The following OLFML2A variants were observed in gnomAD, a reference collection of about 807,000 sequenced individuals.
OLFML2A encodes the protein olfactomedin-like protein 2A.
OLFML2A carries 47 observed loss-of-function variants against 60.9 expected under a neutral mutation model. That is an observed-to-expected ratio of 0.77 (90% CI 0.61 to 0.98). OLFML2A has a LOEUF of 0.98. Among genes scored for constraint, OLFML2A ranks in the 50% least tolerant of loss-of-function variants. OLFML2A has a pLI of 0.00. For synonymous variants in OLFML2A, 372 were observed against 375.0 expected, an observed-to-expected ratio of 0.99 and a Z score of 0.09; for missense variants, 922 against 879.8, an observed-to-expected ratio of 1.05 and a Z score of -0.61.
chr9:124,807,058 C>T (rs10986431), intron 6 of OLFML2A, among the ~76,000 whole-genome samples: 12,220 of 151,232 alleles, frequency 0.081, 538 homozygotes, highest in South Asian at 0.14. Flanking sequence ...GGACTACAGG[C>T]GCACACCACT....
At chr9:124,790,893 C>T (rs1450380476) in intron 2 of OLFML2A, among the ~76,000 whole-genome samples, 1 of 152,248 alleles carries the variant, frequency 6.6e-6, no homozygotes, top group Non-Finnish European at 1.5e-5. Flanking sequence ...ATCTCTACCC[C>T]AGCCCTTCCC....
chr9:124,778,637 A>G (rs981977869), intron 1 of OLFML2A, among the ~76,000 whole-genome samples: 9 of 150,082 alleles, frequency 6.0e-5, no homozygotes, highest in African/African-American at 1.7e-4. Flanking sequence ...AAAAAAAAAA[A>G]TTAAATTAAA....
At chr9:124,782,524 G>A (rs1233766870) in intron 1 of OLFML2A, among the ~76,000 whole-genome samples, 4 of 152,184 alleles carry the variant, frequency 2.6e-5, no homozygotes, top group African/African-American at 9.7e-5. Flanking sequence ...TACAGAGGAG[G>A]AAGCTGAGGC....
chr9:124,810,817 C>A lies in OLFML2A; in HGVS notation c.*405C>A, dbSNP rs146914262. 59 of 58,732 alleles carry A rather than the reference C, an allele frequency of 1.0e-3. No homozygotes were observed. The highest frequency in any genetic ancestry group is 7.9e-3 in the African/African-American group (56 of 7,114). 3.6% of individuals were successfully genotyped at this position (58,732 alleles called of 1,614,324 possible). A position where few individuals can be genotyped will look rare whatever the true frequency, so the allele number is the denominator to read the frequency against. ...CACCACGCCCTCCCCTCCCTGCCCT[C>A]CCCCATCTCCCCGGTCTCCCTTGTT... On this transcript the variant is annotated 3_prime_UTR_variant, in exon 8 of 8. Coordinates refer to ENST00000373580, the MANE Select transcript of OLFML2A (RefSeq NM_182487.4).
chr9:124,804,364 C>T (rs953104538), intron 6 of OLFML2A, 22 bp downstream of exon 6: 38 of 1,526,042 alleles, frequency 2.5e-5, no homozygotes, highest in Non-Finnish European at 3.0e-5. Flanking sequence ...TCACAGGAGT[C>T]AGCACACTGT....
rs575762514 is a variant in OLFML2A at position 124,811,965 on chromosome 9, A to G, written c.*1553A>G. On this transcript the variant is annotated 3_prime_UTR_variant, in exon 8 of 8. Coordinates refer to ENST00000373580, the MANE Select transcript of OLFML2A (RefSeq NM_182487.4). Reference sequence around the variant, plus strand: ...TGTCTGTATCCTTTATTCTCCGCACATGGAGGCTGCCCTACCTGGGAAGGC... The same window carrying G: ...TGTCTGTATCCTTTATTCTCCGCACGTGGAGGCTGCCCTACCTGGGAAGGC... The G allele has an allele frequency of 6.6e-6, 1 of 152,414 alleles. No homozygotes were observed. Among genetic ancestry groups the G allele is most frequent in the East Asian group, 1.9e-4 (1 of 5,170 alleles). 9.4% of individuals were successfully genotyped at this position (152,414 alleles called of 1,614,324 possible).
intron 5 of OLFML2A, 85 bp downstream of exon 5, chr9:124,801,748 C>T: frequency 7.1e-7 from 1 of 1,409,192 alleles, no homozygotes; most frequent in South Asian, 1.3e-5. Flanking sequence ...AGTGGGACCA[C>T]CCCAGATTCA....
rs377537752 is a variant in OLFML2A at position 124,794,995 on chromosome 9, T to A, written c.355-29T>A. 1.5e-5 allele frequency: 21 copies of A among 1,399,052 alleles called. No individual in the cohort carries two copies. The African/African-American group carries it at 2.5e-4, about 17-fold the overall frequency. 86.7% of individuals were successfully genotyped at this position (1,399,052 alleles called of 1,614,324 possible). On this transcript the variant is annotated intron_variant, in intron 2 of 7. Transcript: ENST00000373580. ...TCTGGCCGGCCATGTGCTGCACTCT[T>A]TGCCTAACCATCCCCCTTCCCCGGG... is the stretch of plus-strand genomic sequence containing the variant.
At chr9:124,791,553 G>A (rs987242888) in intron 2 of OLFML2A, among the ~76,000 whole-genome samples, 4 of 151,924 alleles carry the variant, frequency 2.6e-5, no homozygotes, top group Middle Eastern at 3.2e-3. Context: ...CCTGGCCAAC[G>A]TGACAAAACC....
In OLFML2A at chr9:124,794,472, C is replaced by G. The variant is rs1261645831; in HGVS notation, c.355-552C>G. Among the ~76,000 whole-genome samples the G allele has an allele frequency of 2.6e-5, 4 of 152,304 alleles. No homozygotes were observed. The East Asian group carries it at 7.7e-4, about 29-fold the overall frequency. On this transcript the variant is annotated intron_variant, in intron 2 of 7. Transcript: ENST00000373580. ...TGGTATAACTCCTTAAAGCCCCTAG[C>G]ACAGCGCCTGGCACGTGGTAAGGGC...
intron 6 of OLFML2A, among the ~76,000 whole-genome samples, chr9:124,804,855 C>A (rs1841859388): frequency 6.6e-6 from 1 of 151,860 alleles, no homozygotes; most frequent in South Asian, 2.1e-4. Flanking sequence ...ATTACAGATA[C>A]CCGCCACCAC....
chr9:124,786,832 C>T (rs1380798132), intron 1 of OLFML2A, 143 bp from the exon 2 acceptor site: 1 of 718,516 alleles, frequency 1.4e-6, no homozygotes, highest in Non-Finnish European at 2.4e-6. Context: ...GCTTCACCAC[C>T]TCTAATTGCA....
intron 1 of OLFML2A, among the ~76,000 whole-genome samples, chr9:124,780,493 T>C (rs1046800941): frequency 2.6e-5 from 4 of 152,160 alleles, no homozygotes; most frequent in African/African-American, 9.7e-5. Context: ...CTGGATCAGA[T>C]GTTCCAGGCC....
At chr9:124,785,973 G>C (rs1189582446) in intron 1 of OLFML2A, among the ~76,000 whole-genome samples, 1 of 152,046 alleles carries the variant, frequency 6.6e-6, no homozygotes, top group East Asian at 1.9e-4. Flanking sequence ...AATTAGCCGA[G>C]TGTGGTCTCA....
intron 4 of OLFML2A, 55 bp from the exon 5 acceptor site, chr9:124,801,359 C>T: frequency 6.3e-7 from 1 of 1,592,574 alleles, no homozygotes; most frequent in Non-Finnish European, 8.6e-7. Flanking sequence ...CCCCAGGACT[C>T]CCCACAACAT....
At chr9:124,808,795 G>A (rs979678123) in intron 7 of OLFML2A, among the ~76,000 whole-genome samples, 14 of 152,034 alleles carry the variant, frequency 9.2e-5, no homozygotes, top group Admixed American at 2.6e-4. Context: ...GAGTAAGCTG[G>A]GGCAGGCCTG....
At position 124,813,378 on chromosome 9, in the gene OLFML2A, C is replaced by G. The variant is rs980804971; in HGVS notation, c.*2966C>G. On this transcript the variant is annotated 3_prime_UTR_variant, in exon 8 of 8. Coordinates refer to ENST00000373580, the MANE Select transcript of OLFML2A (RefSeq NM_182487.4). The stretch of plus-strand genomic sequence containing the variant: ...ACCATCATCATTAACTGAGCACCAG[C>G]TGTGCTAAGCCTGCCACGGGCGTAT... 6.6e-6 allele frequency: 1 copy of G among 152,276 alleles called. No individual in the cohort carries two copies. Among genetic ancestry groups the G allele is most frequent in the Admixed American group, 6.5e-5 (1 of 15,284 alleles). 9.4% of individuals were successfully genotyped at this position (152,276 alleles called of 1,614,324 possible).
intron 2 of OLFML2A, among the ~76,000 whole-genome samples, chr9:124,791,668 G>A (rs1245966923): frequency 6.6e-6 from 1 of 150,452 alleles, no homozygotes; most frequent in Non-Finnish European, 1.5e-5. Flanking sequence ...AACACGGGAG[G>A]CAGAGGTTGC....
In OLFML2A at chr9:124,777,816, G is replaced by A. The variant is rs558854951; in HGVS notation, c.90+456G>A. Among the ~76,000 whole-genome samples the A allele has an allele frequency of 5.2e-4, 79 of 152,248 alleles. No homozygotes were observed. The Middle Eastern group carries it at 0.01, about 20-fold the overall frequency. ...GCTGGCCACTCGCCTGGCCTCTGATGTTCTTGCCAGGGACCGGGTGCACCC... is the reference window on the plus strand; with the variant it reads ...GCTGGCCACTCGCCTGGCCTCTGATATTCTTGCCAGGGACCGGGTGCACCC... On this transcript the variant is annotated intron_variant, in intron 1 of 7. Coordinates refer to ENST00000373580, the MANE Select transcript of OLFML2A (RefSeq NM_182487.4). The surrounding 1 kb of genome is among the most constrained non-coding windows in gnomAD (Gnocchi z 6.2).
Sources: allele counts gnomAD v4.1 joint callset (sites outside exome capture counted in the v4.1 genomes callset), GRCh38; gene constraint gnomAD v4.1.1; non-coding constraint Gnocchi (gnomAD v3.1); transcripts MANE v1.5; gene names NCBI Gene and HGNC (gene_info 2026-07-23, HGNC 2026-07-21).